ARL3: variants seen among roughly 807,000 people sequenced by gnomAD.
ARL3 encodes the protein ARF like GTPase 3.
A neutral mutation model predicts 26.0 loss-of-function variants in ARL3; 9 were observed. The observed-to-expected ratio is 0.35, with a 90% CI of 0.21 to 0.60. The LOEUF (loss-of-function observed/expected upper bound fraction) is 0.60. Among genes scored for constraint, ARL3 ranks in the 20% least tolerant of loss-of-function variants. The pLI is 0.78. For missense variants in ARL3, 158 were observed against 215.7 expected (o/e 0.73, Z 1.67); for synonymous variants, 71 against 78.4 (o/e 0.91, Z 0.50).
chr10:102,680,649 A>T (rs1230767264), intron 5 of ARL3, among the ~76,000 whole-genome samples: 2 of 152,064 alleles, frequency 1.3e-5, no homozygotes, highest in South Asian at 2.1e-4. Context: ...TGCTCTCTTA[A>T]ATTTGATCTC....
intron 4 of ARL3, 70 bp from the exon 5 acceptor site, chr10:102,686,071 CTTTTT>C (rs762594294): frequency 3.0e-4 from 261 of 874,404 alleles, no homozygotes; most frequent in Admixed American, 5.1e-4. Context: ...CCATACACTA[CTTTTT>C]TTTTTTTTTT....
At chr10:102,682,005 C>T (rs2064157948) in intron 5 of ARL3, among the ~76,000 whole-genome samples, 1 of 152,062 alleles carries the variant, frequency 6.6e-6, no homozygotes, top group African/African-American at 2.4e-5. Flanking sequence ...ATTTTCTAGA[C>T]ACCCAAGGAG....
chr10:102,705,192 C>A (rs1399718561), intron 2 of ARL3, among the ~76,000 whole-genome samples, 154 bp downstream of exon 2: 1 of 152,178 alleles, frequency 6.6e-6, no homozygotes, highest in East Asian at 1.9e-4. Context: ...GAATCTCTTA[C>A]ATATTTTTGA....
Position 102,708,908 on chromosome 10 carries a change from A to ATATAT in ARL3, c.4-3420_4-3419insATATA. Reference sequence around the variant, plus strand: ...ATATTATATATATATATATATATATATTTTTTTTTTTTTTGAGACAAGGTC... The same window carrying ATATAT: ...ATATTATATATATATATATATATATATATATTTTTTTTTTTTTTTGAGACAAGGTC... On this transcript the variant is annotated intron_variant, in intron 1 of 5. Coordinates refer to ENST00000260746, the MANE Select transcript of ARL3 (RefSeq NM_004311.4). 4.7e-3 allele frequency among the ~76,000 whole-genome samples: 446 copies of ATATAT among 95,318 alleles called. 1 individual carries two copies. Among genetic ancestry groups the ATATAT allele is most frequent in the South Asian group, 0.011 (30 of 2,710 alleles). The allele number at this position is 95,318 out of a possible 152,430, so 62.5% of individuals were successfully genotyped here.
At chr10:102,706,016 T>C (rs776731843) in intron 1 of ARL3, among the ~76,000 whole-genome samples, 5 of 152,180 alleles carry the variant, frequency 3.3e-5, no homozygotes, top group Non-Finnish European at 7.3e-5. Context: ...AAAAAGGCTA[T>C]ATAAAATTAT....
intron 2 of ARL3, among the ~76,000 whole-genome samples, chr10:102,700,170 G>A (rs956742531): frequency 1.3e-5 from 2 of 152,162 alleles, no homozygotes; most frequent in African/African-American, 4.8e-5. Context: ...CAGCACTCTG[G>A]GAGGCCGAGG....
intron 2 of ARL3, among the ~76,000 whole-genome samples, chr10:102,700,523 G>T (rs1184084214): frequency 6.6e-6 from 1 of 151,264 alleles, no homozygotes; most frequent in Non-Finnish European, 1.5e-5. Flanking sequence ...GGAGTGCAGT[G>T]GCATGGTCTT....
Position 102,685,880 on chromosome 10 carries a change from T to C in ARL3, c.437A>G (p.His146Arg). The C allele has an allele frequency of 6.2e-7, 1 of 1,614,180 alleles. No homozygotes were observed. Among genetic ancestry groups the C allele is most frequent in the Non-Finnish European group, 8.5e-7 (1 of 1,180,032 alleles). Residue 146 changes from histidine to arginine, a missense_variant, in exon 5 of 6, where the codon CAT (histidine) becomes CGT (arginine). By Grantham distance (29) the His-to-Arg change is conservative (BLOSUM62 0). Transcript: ENST00000260746. The stretch of plus-strand genomic sequence containing the variant: ...CTGCCAGACTCGGTCGCGGATGGTA[T>C]GCAGGTTCAGTCCTTCTGCAATTTC... ...ASEIAEGLNL[H>R]TIRDRVWQIQ...
intron 2 of ARL3, among the ~76,000 whole-genome samples, chr10:102,703,114 T>C: frequency 7.0e-6 from 1 of 143,350 alleles, no homozygotes; most frequent in Admixed American, 7.4e-5. Flanking sequence ...CAATCAGGTC[T>C]TGTCTTTTTT....
chr10:102,694,533 G>C (rs1053873761), intron 3 of ARL3, among the ~76,000 whole-genome samples: 2 of 152,040 alleles, frequency 1.3e-5, no homozygotes, highest in Non-Finnish European at 1.5e-5. Flanking sequence ...GATGGGTCTA[G>C]ATTCTTTTTT....
intron 1 of ARL3, among the ~76,000 whole-genome samples, chr10:102,708,902 ATATATAT>A (rs1381102442): frequency 1.8e-5 from 2 of 111,598 alleles, no homozygotes; most frequent in African/African-American, 6.8e-5. Context: ...ATATATATAT[ATATATAT>A]TTTTTTTTTT....
At chr10:102,698,951 C>T (rs537999455) in intron 3 of ARL3, among the ~76,000 whole-genome samples, 1 of 152,262 alleles carries the variant, frequency 6.6e-6, no homozygotes, top group South Asian at 2.1e-4. Flanking sequence ...TTCTCTTTTC[C>T]AGGAATAACA....
At chr10:102,688,271 C>T (rs989917987) in intron 4 of ARL3, among the ~76,000 whole-genome samples, 1 of 152,132 alleles carries the variant, frequency 6.6e-6, no homozygotes, top group African/African-American at 2.4e-5. Context: ...GATCAAGAGG[C>T]AGATGACTAC....
At chr10:102,683,612 C>G (rs2064167023) in intron 5 of ARL3, among the ~76,000 whole-genome samples, 1 of 152,174 alleles carries the variant, frequency 6.6e-6, no homozygotes, top group Non-Finnish European at 1.5e-5. Flanking sequence ...AAAATCAAAT[C>G]ATATATAATA....
rs2064242177 is a variant in ARL3, at chr10:102,695,461, C to T, written c.264+3912G>A. On this transcript the variant is annotated intron_variant, in intron 3 of 5. Coordinates refer to ENST00000260746, the MANE Select transcript of ARL3 (RefSeq NM_004311.4). ...AAGCAACCGACTTGTACATATTAAC[C>T]TTATATCCTGCAGCCTTGGTATGAT... 2.0e-5 allele frequency among the ~76,000 whole-genome samples: 3 copies of T among 152,276 alleles called. No homozygotes were observed. In the South Asian group the frequency reaches 6.2e-4, roughly 32 times the overall value.
rs184087202 is a variant in ARL3 at position 102,674,739 on chromosome 10, G to A, written c.*2155C>T. ...TCTCATCTACCCCAGAGCCCCAGGA[G>A]GGTTCAAAAGGGCTCAAAGGGAAGA... On this transcript the variant is annotated 3_prime_UTR_variant, in exon 6 of 6. Coordinates refer to ENST00000260746, the MANE Select transcript of ARL3 (RefSeq NM_004311.4). 3 of 152,294 alleles carry A rather than the reference G, an allele frequency of 2.0e-5. No homozygotes were observed. The East Asian group carries it at 5.8e-4, about 29-fold the overall frequency. The allele number at this position is 152,294 out of a possible 1,614,324, so 9.4% of individuals were successfully genotyped here. A position where few individuals can be genotyped will look rare whatever the true frequency, so the allele number is the denominator to read the frequency against.
intron 3 of ARL3, among the ~76,000 whole-genome samples, chr10:102,692,901 T>C (rs1251339508): frequency 6.6e-6 from 1 of 152,066 alleles, no homozygotes; most frequent in Non-Finnish European, 1.5e-5. Context: ...TTTCACCGTG[T>C]TAGCCAGGAT....
chr10:102,702,563 GT>G (rs2064285842), intron 2 of ARL3, among the ~76,000 whole-genome samples: 2 of 152,182 alleles, frequency 1.3e-5, no homozygotes, highest in South Asian at 4.1e-4. Context: ...CTAACTTTGA[GT>G]TTATTTCTGT....
chr10:102,693,060 C>T (rs1316754529), intron 3 of ARL3, among the ~76,000 whole-genome samples: 7 of 152,168 alleles, frequency 4.6e-5, no homozygotes, highest in Admixed American at 1.3e-4. Context: ...TTCTACTATA[C>T]GGGTGTACCA....
Sources: gnomAD v4.1 joint callset for allele counts (sites outside exome capture counted in the v4.1 genomes callset) on GRCh38, gnomAD v4.1.1 for gene constraint, MANE v1.5 for transcripts, NCBI Gene and HGNC (gene_info 2026-07-23, HGNC 2026-07-21) for gene names.